SH3PXD2A: variants seen among roughly 807,000 people sequenced by gnomAD.
The protein encoded by SH3PXD2A is SH3 and PX domains 2A, also known as SH3 and PX domain-containing protein 2A.
A neutral mutation model predicts 115.2 loss-of-function variants in SH3PXD2A; 32 were observed. That is an observed-to-expected ratio of 0.28 (90% CI 0.21 to 0.37). SH3PXD2A has a LOEUF of 0.37. SH3PXD2A is among the 10% of genes least tolerant of loss of function. The probability of loss-of-function intolerance (pLI) is 1.00; values close to 1 mark genes in which losing one functional copy is unlikely to be tolerated. For synonymous variants in SH3PXD2A, 610 were observed against 629.1 expected, an observed-to-expected ratio of 0.97 and a Z score of 0.45; for missense variants, 1,328 against 1,498.7, an observed-to-expected ratio of 0.89 and a Z score of 1.88.
Position 103,770,381 on chromosome 10 carries a change from C to CG in SH3PXD2A, c.154-3213_154-3212insC, listed in dbSNP as rs1554921600. ...CCACAATGCCCAGCTAGTTTAAAAA[C>CG]TTTTTTGTAGAGATGGGATCTCACT... On this transcript the variant is annotated intron_variant, in intron 2 of 14. Coordinates refer to ENST00000369774, the MANE Select transcript of SH3PXD2A (RefSeq NM_001394015.1). Among the ~76,000 whole-genome samples the CG allele has an allele frequency of 1.0e-2, 1,518 of 151,934 alleles. 17 individuals carry two copies. Among genetic ancestry groups the CG allele is most frequent in the Non-Finnish European group, 0.016 (1,056 of 67,978 alleles).
rs576969102 is a variant in SH3PXD2A, at chr10:103,760,296, C to T, written c.229+6798G>A. On this transcript the variant is annotated intron_variant, in intron 3 of 14. Coordinates refer to ENST00000369774, the MANE Select transcript of SH3PXD2A (RefSeq NM_001394015.1). ...AAATATATGTAAACCAGGTCAGGTG[C>T]AGTGGCTCACACCTGTAATCCCAAC... is the stretch of plus-strand genomic sequence containing the variant. Among the ~76,000 whole-genome samples the T allele has an allele frequency of 7.9e-5, 12 of 152,304 alleles. No homozygotes were observed. The East Asian group carries it at 2.3e-3, about 29-fold the overall frequency.
chr10:103,625,046 C>T (rs1020343202), intron 9 of SH3PXD2A, among the ~76,000 whole-genome samples: 3 of 152,198 alleles, frequency 2.0e-5, no homozygotes, highest in Admixed American at 6.5e-5. Flanking sequence ...CCCCCACACA[C>T]ATACACCCAC....
At chr10:103,749,637 G>GC in intron 3 of SH3PXD2A, 1 of 152,366 alleles carries the variant, frequency 6.6e-6, no homozygotes, top group South Asian at 2.1e-4. Flanking sequence ...CTCCAAGATG[G>GC]CCCCAGTGAC....
chr10:103,643,946 C>A (rs1448639368), intron 8 of SH3PXD2A, among the ~76,000 whole-genome samples: 1 of 151,522 alleles, frequency 6.6e-6, no homozygotes, highest in African/African-American at 2.4e-5. Context: ...CCCATCTCTA[C>A]TAAAAAATAC....
At chr10:103,712,921 G>A (rs559696316) in intron 5 of SH3PXD2A, among the ~76,000 whole-genome samples, 1 of 152,352 alleles carries the variant, frequency 6.6e-6, no homozygotes, top group Admixed American at 6.5e-5. Context: ...TCCTAGCTGA[G>A]AGGTAAGTCA....
intron 3 of SH3PXD2A, among the ~76,000 whole-genome samples, chr10:103,757,996 A>G (rs1326701969): frequency 6.6e-6 from 1 of 152,212 alleles, no homozygotes; most frequent in Non-Finnish European, 1.5e-5. Context: ...TTGCGGCACC[A>G]GTCCTCTCCC....
intron 3 of SH3PXD2A, among the ~76,000 whole-genome samples, chr10:103,744,153 T>A (rs1330782627): frequency 2.1e-5 from 3 of 145,634 alleles, no homozygotes; most frequent in Non-Finnish European, 3.1e-5. Context: ...CCCCTGCTTG[T>A]CTTTTTTTTT....
intron 2 of SH3PXD2A, among the ~76,000 whole-genome samples, chr10:103,778,327 G>A (rs940448797): frequency 3.3e-5 from 5 of 152,202 alleles, no homozygotes; most frequent in South Asian, 2.1e-4. Context: ...GCGAGACTCC[G>A]TCTCCAGAAA....
At chr10:103,792,648 C>T (rs567659691) in intron 2 of SH3PXD2A, among the ~76,000 whole-genome samples, 4 of 152,180 alleles carry the variant, frequency 2.6e-5, no homozygotes, top group Non-Finnish European at 2.9e-5. Flanking sequence ...AGACAGTAAG[C>T]GCTGGGGCTG....
chr10:103,636,282 G>A (rs879688733), intron 8 of SH3PXD2A, among the ~76,000 whole-genome samples: 19 of 152,020 alleles, frequency 1.2e-4, no homozygotes, highest in Non-Finnish European at 2.5e-4. Context: ...GGTGGCGGGC[G>A]CCTGTAGTCC....
chr10:103,724,341 G>T lies in SH3PXD2A; in HGVS notation c.327C>A (p.Pro109=), dbSNP rs752873465. 5.1e-6 allele frequency: 8 copies of T among 1,581,786 alleles called. No homozygotes were observed. The highest frequency in any genetic ancestry group is 1.7e-4 in the Middle Eastern group (1 of 6,010). ...EYCRALVRLP[P]HISQCDEVFR... is the part of the protein sequence containing the mutation. The stretch of plus-strand genomic sequence containing the variant: ...AGACTTCGTCACACTGTGAGATGTG[G>T]GGGGGCAGCCGGACAAGTGCCTGTG... Residue 109 remains proline (P), a synonymous_variant, in exon 5 of 15, where the codon CCC becomes CCA. Transcript: ENST00000369774.
At chr10:103,806,607 A>G (rs921226641) in intron 1 of SH3PXD2A, among the ~76,000 whole-genome samples, 2 of 152,162 alleles carry the variant, frequency 1.3e-5, no homozygotes, top group Non-Finnish European at 2.9e-5. Context: ...TCAAGATAAC[A>G]TTACCCGGCA....
In SH3PXD2A at chr10:103,719,721, C is replaced by CTTT. The variant is rs11438501; in HGVS notation, c.398+4546_398+4548dup. Among the ~76,000 whole-genome samples, 418 of 114,690 alleles carry CTTT rather than the reference C, an allele frequency of 3.6e-3. 18 individuals are homozygous for CTTT. Among genetic ancestry groups the CTTT allele is most frequent in the African/African-American group, 0.013 (376 of 28,850 alleles). The allele number at this position is 114,690 out of a possible 152,430, so 75.2% of individuals were successfully genotyped here. On this transcript the variant is annotated intron_variant, in intron 5 of 14. Coordinates refer to ENST00000369774, the MANE Select transcript of SH3PXD2A (RefSeq NM_001394015.1). Reference sequence around the variant, plus strand: ...TTTCTTTTTCTTTTTTTTTTTCTTTCTTTTTTTTTTTTTTTTTGAGATGGA... The same window carrying CTTT: ...TTTCTTTTTCTTTTTTTTTTTCTTTCTTTTTTTTTTTTTTTTTTTTGAGATGGA...
At chr10:103,664,056 G>A (rs1004404345) in intron 7 of SH3PXD2A, among the ~76,000 whole-genome samples, 5 of 152,234 alleles carry the variant, frequency 3.3e-5, no homozygotes, top group Non-Finnish European at 7.4e-5. Context: ...AGCGCCGGGT[G>A]CTGCGCTGAC....
chr10:103,636,911 CCACT>C (rs1055090053), intron 8 of SH3PXD2A, among the ~76,000 whole-genome samples: 25 of 152,328 alleles, frequency 1.6e-4, no homozygotes, highest in African/African-American at 4.8e-4. Flanking sequence ...CCTAGCTTTA[CCACT>C]CACTGTTGGC....
chr10:103,628,803 G>GA lies in SH3PXD2A; in HGVS notation c.605-1602dup, dbSNP rs1210809302. ...GCCATCAGAGTCAGGAAGAACTGGG[G>GA]ATATGCCCCCACTGCTGGTGAAGCA... On this transcript the variant is annotated intron_variant, in intron 8 of 14. Transcript: ENST00000369774. Among the ~76,000 whole-genome samples the GA allele has an allele frequency of 1.2e-4, 18 of 152,300 alleles. No homozygotes were observed. The South Asian group carries it at 1.9e-3, about 16-fold the overall frequency.
At chr10:103,808,151 C>T (rs2039226057) in intron 1 of SH3PXD2A, among the ~76,000 whole-genome samples, 1 of 152,172 alleles carries the variant, frequency 6.6e-6, no homozygotes, top group African/African-American at 2.4e-5. Flanking sequence ...CATGAGAGTG[C>T]CTACATCAAA....
rs1028730164 is a variant in SH3PXD2A, at chr10:103,601,065, G to A, written c.*751C>T. 2.0e-5 allele frequency: 3 copies of A among 152,280 alleles called. No individual in the cohort carries two copies. Among genetic ancestry groups the A allele is most frequent in the African/African-American group, 7.2e-5 (3 of 41,466 alleles). 9.4% of individuals were successfully genotyped at this position (152,280 alleles called of 1,614,324 possible). On this transcript the variant is annotated 3_prime_UTR_variant, in exon 15 of 15. Transcript: ENST00000369774. ...CTGTGCAGATTAGGAAGAGACCGGTGGCTTCGCCCACCCTCTCTGTAAACT... is the reference window on the plus strand; with the variant it reads ...CTGTGCAGATTAGGAAGAGACCGGTAGCTTCGCCCACCCTCTCTGTAAACT...
At chr10:103,669,066 C>T (rs2037423984) in intron 6 of SH3PXD2A, among the ~76,000 whole-genome samples, 1 of 152,200 alleles carries the variant, frequency 6.6e-6, no homozygotes, top group African/African-American at 2.4e-5. Flanking sequence ...CCAGCGGGCT[C>T]AGTGGCCTGG....
Sources: allele counts gnomAD v4.1 joint callset (sites outside exome capture counted in the v4.1 genomes callset), GRCh38; gene constraint gnomAD v4.1.1; transcripts MANE v1.5; gene names NCBI Gene and HGNC (gene_info 2026-07-23, HGNC 2026-07-21).